The following STS variants were observed in gnomAD, a reference collection of about 807,000 sequenced individuals.
STS encodes the protein steryl-sulfatase.
STS carries 7 observed loss-of-function variants against 26.8 expected under a neutral mutation model. That is an observed-to-expected ratio of 0.26 (90% CI 0.15 to 0.49). The LOEUF (loss-of-function observed/expected upper bound fraction) is 0.49. Among genes scored for constraint, STS ranks in the 20% least tolerant of loss-of-function variants. STS has a pLI of 0.98. For synonymous variants in STS, 199 were observed against 189.4 expected, an observed-to-expected ratio of 1.05 and a Z score of -0.42; for missense variants, 434 against 465.6, an observed-to-expected ratio of 0.93 and a Z score of 0.63.
At chrX:7,262,561 A>T (rs770129942) in intron 6 of STS, among the ~76,000 whole-genome samples, 2 of 112,364 alleles carry the variant, frequency 1.8e-5, no homozygotes, top group African/African-American at 3.2e-5. Flanking sequence ...AAAGCTGAGG[A>T]ATATTTCAGA....
At chrX:7,325,863 T>G (rs1163047372) in intron 9 of STS, among the ~76,000 whole-genome samples, 1 of 112,228 alleles carries the variant, frequency 8.9e-6, no homozygotes, top group African/African-American at 3.2e-5. Flanking sequence ...TCTTGGCCTC[T>G]CTGAGCAGTT....
intron 6 of STS, among the ~76,000 whole-genome samples, chrX:7,261,649 G>T (rs1272623885): frequency 8.9e-6 from 1 of 111,807 alleles, no homozygotes; most frequent in East Asian, 2.8e-4. Flanking sequence ...TCTTCTTCCA[G>T]TTATGAAACA....
chrX:7,346,063 C>G (rs1465784050), intron 10 of STS, among the ~76,000 whole-genome samples: 1 of 111,153 alleles, frequency 9.0e-6, no homozygotes, highest in Non-Finnish European at 1.9e-5. Flanking sequence ...ACCCAGATAC[C>G]TCTTTATTTC....
At chrX:7,196,990 C>G (rs950529452) in intron 2 of STS, among the ~76,000 whole-genome samples, 1 of 110,923 alleles carries the variant, frequency 9.0e-6, no homozygotes, top group Non-Finnish European at 1.9e-5. Context: ...CCATTGTCTG[C>G]CTCCTACCTT....
chrX:7,157,332 G>A, intron 1 of STS, among the ~76,000 whole-genome samples: 1 of 111,350 alleles, frequency 9.0e-6, no homozygotes. Flanking sequence ...TCTTCTGTGG[G>A]ACTCCAGGAT....
At chrX:7,299,488 A>G (rs1427999886) in intron 7 of STS, among the ~76,000 whole-genome samples, 1 of 106,054 alleles carries the variant, frequency 9.4e-6, no homozygotes, top group South Asian at 3.9e-4. Context: ...TGTGTGTGTT[A>G]TATATAATAT....
rs755564018 is a variant in STS, at chrX:7,349,965, G to C, written c.1441G>C (p.Val481Leu). 3 of 1,211,447 alleles carry C rather than the reference G, an allele frequency of 2.5e-6. No homozygotes were observed. The Admixed American group carries it at 6.5e-5, about 26-fold the overall frequency. Residue 481 changes from valine (V) to leucine (L), a missense_variant, in exon 11 of 11, where the codon GTG (valine) becomes CTG (leucine). Physicochemically the swap from Val to Leu is conservative, Grantham distance 32. Around this residue, in one of 2 missense-constraint regions of STS, gnomAD observed 205 missense variants for 177.3 expected, o/e 1.16. Transcript: ENST00000674429. ...TTCCAACGGATGCTTTGCCACACAC[G>C]TGTGCTTCTGTTTCGGGAGTTATGT... ...VGSNGCFATH[V>L]CFCFGSYVTH...
chrX:7,344,606 T>C (rs1486417042), intron 10 of STS, among the ~76,000 whole-genome samples: 1 of 111,745 alleles, frequency 8.9e-6, no homozygotes, highest in African/African-American at 3.3e-5. Flanking sequence ...TTGGCCAGAA[T>C]GGGCCATGCG....
At chrX:7,327,446 C>T (rs943998612) in intron 9 of STS, among the ~76,000 whole-genome samples, 2 of 104,604 alleles carry the variant, frequency 1.9e-5, no homozygotes, top group African/African-American at 7.0e-5. Flanking sequence ...TGCAGTGGCG[C>T]GATCTCAGCT....
intron 2 of STS, among the ~76,000 whole-genome samples, chrX:7,213,381 G>C (rs1921111741): frequency 8.9e-6 from 1 of 111,772 alleles, no homozygotes; most frequent in African/African-American, 3.3e-5. Flanking sequence ...TTTCTGGAAA[G>C]AGTAAAATCT....
rs140339744 is a variant in STS at position 7,325,212 on chromosome X, C to A, written c.1082-127C>A. The A allele has an allele frequency of 1.0e-3, 693 of 692,510 alleles. 1 individual carries two copies. The African/African-American group carries it at 0.014, about 14-fold the overall frequency. The allele number at this position is 692,510 out of a possible 1,213,427, so 57.1% of individuals were successfully genotyped here. A position where few individuals can be genotyped will look rare whatever the true frequency, so the allele number is the denominator to read the frequency against. On this transcript the variant is annotated intron_variant, in intron 8 of 10. Transcript: ENST00000674429. ...TATACTATATTGCTCATGGAATACT[C>A]ATAGATGGAATCTATGTAATTAGAG...
chrX:7,323,386 C>A (rs1487197361), intron 8 of STS, among the ~76,000 whole-genome samples: 1 of 110,686 alleles, frequency 9.0e-6, no homozygotes, highest in Non-Finnish European at 1.9e-5. Context: ...CCTCTTTCCC[C>A]CCTAGTAGTT....
At chrX:7,147,499 T>C (rs1160128025), upstream of STS, among the ~76,000 whole-genome samples, 1 of 111,853 alleles carries the variant, frequency 8.9e-6, no homozygotes, top group Non-Finnish European at 1.9e-5. Flanking sequence ...GACATCGCCA[T>C]TGCCAGATGC....
chrX:7,220,376 G>A (rs766034652), intron 2 of STS, among the ~76,000 whole-genome samples: 1 of 110,619 alleles, frequency 9.0e-6, no homozygotes, highest in Admixed American at 9.7e-5. Context: ...GCACTTGTAA[G>A]TCCCTGGTTC....
At chrX:7,167,044 A>G (rs1475917508) in intron 1 of STS, among the ~76,000 whole-genome samples, 1 of 111,205 alleles carries the variant, frequency 9.0e-6, no homozygotes, top group Non-Finnish European at 1.9e-5. Flanking sequence ...ATACCCATTG[A>G]GGATCTTACA....
chrX:7,258,040 ATG>A, intron 5 of STS, among the ~76,000 whole-genome samples: 1 of 107,711 alleles, frequency 9.3e-6, no homozygotes, highest in Non-Finnish European at 1.9e-5. Flanking sequence ...GGATGGATGG[ATG>A]GAAGGAATAG....
chrX:7,159,091 T>C (rs1933190794), intron 1 of STS, among the ~76,000 whole-genome samples: 1 of 111,879 alleles, frequency 8.9e-6, no homozygotes, highest in Non-Finnish European at 1.9e-5. Context: ...TTTTTATTTA[T>C]AGAAGCAAAG....
chrX:7,336,239 G>GCGGGC (rs1928017511), intron 10 of STS, among the ~76,000 whole-genome samples: 2 of 88,752 alleles, frequency 2.3e-5, no homozygotes, highest in South Asian at 6.7e-4. Context: ...ACCTAGGACT[G>GCGGGC]CCCCCCCCAC....
chrX:7,148,563 C>G (rs941172), intron 1 of STS, among the ~76,000 whole-genome samples: 21,594 of 112,008 alleles, frequency 0.19, 1,913 homozygotes, highest in Admixed American at 0.39. Flanking sequence ...GGTGGTATCA[C>G]TTCTAGCCAT....
Sources: allele counts gnomAD v4.1 joint callset (sites outside exome capture counted in the v4.1 genomes callset), GRCh38; gene constraint gnomAD v4.1.1; regional missense constraint gnomAD v4.1.1; transcripts MANE v1.5; gene names NCBI Gene and HGNC (gene_info 2026-07-23, HGNC 2026-07-21).